Variants in PPP3CA observed in about 807,000 individuals in gnomAD.
PPP3CA encodes protein phosphatase 3 catalytic subunit alpha.
A neutral mutation model predicts 66.5 loss-of-function variants in PPP3CA; 14 were observed. That is an observed-to-expected ratio of 0.21 (90% confidence interval 0.14 to 0.33). The LOEUF is 0.33. PPP3CA is among the 10% of genes least tolerant of loss of function. PPP3CA has a pLI of 1.00. For synonymous variants in PPP3CA, 232 were observed against 226.2 expected (o/e 1.03, Z -0.23); for missense variants, 317 against 639.5 (o/e 0.50, Z 5.44).
chr4:101,029,731 G>A (rs187650236), intron 12 of PPP3CA, among the ~76,000 whole-genome samples: 12 of 151,040 alleles, frequency 7.9e-5, no homozygotes, highest in Admixed American at 4.6e-4. Flanking sequence ...CAAATTTAAA[G>A]GAAAAATAAA....
At chr4:101,065,869 T>C (rs528247349) in intron 8 of PPP3CA, among the ~76,000 whole-genome samples, 1 of 152,262 alleles carries the variant, frequency 6.6e-6, no homozygotes, top group African/African-American at 2.4e-5. Context: ...GTTTTGCAGT[T>C]GGTGAGATAA....
At chr4:101,045,926 C>G (rs1275512998) in intron 10 of PPP3CA, among the ~76,000 whole-genome samples, 1 of 152,170 alleles carries the variant, frequency 6.6e-6, no homozygotes, top group Non-Finnish European at 1.5e-5. Flanking sequence ...GTTCTTCAAA[C>G]TTTCCTGTAT....
intron 11 of PPP3CA, among the ~76,000 whole-genome samples, chr4:101,032,791 C>A (rs1445283678): frequency 6.6e-6 from 1 of 151,958 alleles, no homozygotes; most frequent in Non-Finnish European, 1.5e-5. Context: ...AATAAAAAAA[C>A]AGAGCATATG....
At chr4:101,211,749 A>C (rs1315534336) in intron 1 of PPP3CA, among the ~76,000 whole-genome samples, 1 of 152,184 alleles carries the variant, frequency 6.6e-6, no homozygotes, top group African/African-American at 2.4e-5. Flanking sequence ...ATTTTGTTTA[A>C]AATGTGCCTC....
At chr4:101,072,760 C>A (rs1335173028) in intron 8 of PPP3CA, among the ~76,000 whole-genome samples, 1 of 151,272 alleles carries the variant, frequency 6.6e-6, no homozygotes, top group Non-Finnish European at 1.5e-5. Context: ...CATAGTGAAA[C>A]CCCGTCTCTA....
At chr4:101,336,642 G>GT (rs1472760000) in intron 1 of PPP3CA, among the ~76,000 whole-genome samples, 2 of 151,824 alleles carry the variant, frequency 1.3e-5, no homozygotes, top group African/African-American at 4.8e-5. Flanking sequence ...AGGCAAACAG[G>GT]TAAGACTTAT....
At chr4:101,157,785 T>C (rs780700970) in intron 2 of PPP3CA, among the ~76,000 whole-genome samples, 1 of 151,972 alleles carries the variant, frequency 6.6e-6, no homozygotes, top group Non-Finnish European at 1.5e-5. Context: ...ATTCCCTGAT[T>C]TTTTAAAATC....
chr4:101,144,570 T>C (rs1722911708), intron 2 of PPP3CA, among the ~76,000 whole-genome samples: 1 of 152,210 alleles, frequency 6.6e-6, no homozygotes, highest in Non-Finnish European at 1.5e-5. Context: ...TGTTATTCCC[T>C]GCAAATTGTT....
chr4:101,061,007 A>C (rs1728438353), intron 10 of PPP3CA, 80 bp downstream of exon 10: 5 of 1,185,920 alleles, frequency 4.2e-6, no homozygotes, highest in Non-Finnish European at 6.2e-6. Flanking sequence ...AAATCTTAGA[A>C]ATTTATTCTT....
Position 101,319,860 on chromosome 4 carries a change from T to C in PPP3CA, c.58+26879A>G, listed in dbSNP as rs985648825. Reference sequence around the variant, plus strand: ...ACCCAGCAAAAACTCTTAAGTACAATTGGCTTTGTGGTATCATATATTATT... The same window carrying C: ...ACCCAGCAAAAACTCTTAAGTACAACTGGCTTTGTGGTATCATATATTATT... On this transcript the variant is annotated intron_variant, in intron 1 of 13. Transcript: ENST00000394854. Among the ~76,000 whole-genome samples, 67 of 152,176 alleles carry C rather than the reference T, an allele frequency of 4.4e-4. 1 individual carries two copies. Among genetic ancestry groups the C allele is most frequent in the Non-Finnish European group, 2.2e-4 (15 of 68,002 alleles).
chr4:101,149,293 C>G (rs915276166), intron 2 of PPP3CA, among the ~76,000 whole-genome samples: 1 of 152,158 alleles, frequency 6.6e-6, no homozygotes, highest in Non-Finnish European at 1.5e-5. Flanking sequence ...TGCTTTATCA[C>G]ATAATTCTCC....
intron 8 of PPP3CA, among the ~76,000 whole-genome samples, chr4:101,073,722 A>G (rs1222023404): frequency 1.3e-5 from 2 of 152,174 alleles, no homozygotes; most frequent in African/African-American, 4.8e-5. Flanking sequence ...GTATGATTCT[A>G]TCATACCCAT....
intron 2 of PPP3CA, among the ~76,000 whole-genome samples, chr4:101,195,216 C>T (rs1241176273): frequency 4.1e-5 from 6 of 146,584 alleles, no homozygotes; most frequent in African/African-American, 1.3e-4. Context: ...TGCAGTGAGC[C>T]GAGATTGCAC....
At chr4:101,102,278 A>G (rs989900180) in intron 3 of PPP3CA, among the ~76,000 whole-genome samples, 1 of 149,208 alleles carries the variant, frequency 6.7e-6, no homozygotes, top group Non-Finnish European at 1.5e-5. Context: ...GGGAGGGAGG[A>G]AGGGAGGGAG....
chr4:101,233,347 C>A (rs1196630688), intron 1 of PPP3CA, among the ~76,000 whole-genome samples: 1 of 151,744 alleles, frequency 6.6e-6, no homozygotes, highest in East Asian at 1.9e-4. Context: ...GCAAATGGAA[C>A]CAACTGCTCG....
At chr4:101,051,883 T>C (rs1728027625) in intron 10 of PPP3CA, among the ~76,000 whole-genome samples, 1 of 152,244 alleles carries the variant, frequency 6.6e-6, no homozygotes, top group South Asian at 2.1e-4. Flanking sequence ...ATAAAATATA[T>C]ATTATACATG....
chr4:101,083,920 T>TAG lies in PPP3CA; in HGVS notation c.783-658_783-657insCT, dbSNP rs1322520015. On this transcript the variant is annotated intron_variant, in intron 6 of 13. Coordinates refer to ENST00000394854, the MANE Select transcript of PPP3CA (RefSeq NM_000944.5). Reference sequence around the variant, plus strand: ...CCTTTAAATATGATCAGCAGAACTTTATCTTAAGACTTATCTATCTTGACT... The same window carrying TAG: ...CCTTTAAATATGATCAGCAGAACTTTAGATCTTAAGACTTATCTATCTTGACT... Among the ~76,000 whole-genome samples, 3 of 152,346 alleles carry TAG rather than the reference T, an allele frequency of 2.0e-5. No homozygotes were observed. The East Asian group carries it at 5.8e-4, about 29-fold the overall frequency.
intron 1 of PPP3CA, among the ~76,000 whole-genome samples, chr4:101,324,590 G>A (rs1043837011): frequency 1.1e-4 from 16 of 151,764 alleles, no homozygotes; most frequent in Non-Finnish European, 1.8e-4. Context: ...GTAATGATGC[G>A]AATTTATTTA....
intron 1 of PPP3CA, among the ~76,000 whole-genome samples, chr4:101,334,952 A>G (rs1254388521): frequency 2.0e-5 from 3 of 152,234 alleles, no homozygotes; most frequent in African/African-American, 7.2e-5. Context: ...AAGACTTATC[A>G]GTAAGATCAA....
Sources: gnomAD v4.1 joint callset for allele counts (sites outside exome capture counted in the v4.1 genomes callset) on GRCh38, gnomAD v4.1.1 for gene constraint, MANE v1.5 for transcripts, NCBI Gene and HGNC (gene_info 2026-07-23, HGNC 2026-07-21) for gene names.